USP8: variants seen among roughly 807,000 people sequenced by gnomAD.
USP8 encodes ubiquitin specific peptidase 8.
In USP8, 27 loss-of-function variants were observed where a neutral mutation model predicts 130.0. The ratio of observed to expected loss-of-function variants is 0.21; its 90% CI spans 0.15 to 0.29. The LOEUF is 0.29. Among genes scored for constraint, USP8 ranks in the 10% least tolerant of loss-of-function variants. The pLI, the probability that USP8 is intolerant of heterozygous loss-of-function variation, is 1.00. For synonymous variants in USP8, 392 were observed against 444.1 expected (o/e 0.88, Z 1.48); for missense variants, 1,029 against 1,312.2 (o/e 0.78, Z 3.33).
Position 50,502,966 on chromosome 15 carries a change from G to T in USP8, c.*3878G>T, listed in dbSNP as rs902355543. The T allele has an allele frequency of 2.0e-5, 3 of 152,182 alleles. No homozygotes were observed. The highest frequency in any genetic ancestry group is 2.9e-5 in the Non-Finnish European group (2 of 68,042). 9.4% of individuals were successfully genotyped at this position (152,182 alleles called of 1,614,324 possible). On this transcript the variant is annotated 3_prime_UTR_variant, in exon 20 of 20. Transcript: ENST00000307179. ...TCATGTATTGAGGGCTAGTACACAG[G>T]AGTTATTTATTCAATATTCCCTTCA...
intron 1 of USP8, 40 bp from the exon 2 acceptor site, chr15:50,438,969 G>A: frequency 1.2e-6 from 1 of 831,926 alleles, no homozygotes; most frequent in Non-Finnish European, 1.9e-6. Flanking sequence ...GTTTTATTGT[G>A]AATGAGGAAA....
chr15:50,431,085 C>G (rs567740801), intron 1 of USP8, among the ~76,000 whole-genome samples: 1 of 151,596 alleles, frequency 6.6e-6, no homozygotes, highest in Non-Finnish European at 1.5e-5. Flanking sequence ...GTAAACTGAT[C>G]AGTTTTAAAC....
rs74906220 is a variant in USP8 at position 50,445,858 on chromosome 15, A to G, written c.250-3542A>G. On this transcript the variant is annotated intron_variant, in intron 3 of 19. Transcript: ENST00000307179. ...GGCAACAGAGCAAGACTCCGTCTCA[A>G]AAAAAAAAAAAAAAATTGAGATTTA... 1.4e-4 allele frequency among the ~76,000 whole-genome samples: 14 copies of G among 98,212 alleles called. 1 individual carries two copies. The East Asian group carries it at 6.9e-3, about 48-fold the overall frequency. 64.4% of individuals were successfully genotyped at this position (98,212 alleles called of 152,430 possible).
chr15:50,471,902 C>CTTT lies in USP8; in HGVS notation c.849+121_849+123dup, dbSNP rs57729947. ...TTAAATACTAAAAGATTCATCATGCCTTTTTTTTTTTTTTTTGAGACTGAG... is the reference window on the plus strand; with the variant it reads ...TTAAATACTAAAAGATTCATCATGCCTTTTTTTTTTTTTTTTTTTGAGACTGAG... On this transcript the variant is annotated intron_variant, in intron 8 of 19. Coordinates refer to ENST00000307179, the MANE Select transcript of USP8 (RefSeq NM_005154.5). 8.2e-4 allele frequency: 725 copies of CTTT among 881,836 alleles called. 1 individual carries two copies. Among genetic ancestry groups the CTTT allele is most frequent in the African/African-American group, 2.1e-3 (111 of 53,190 alleles). 54.6% of individuals were successfully genotyped at this position (881,836 alleles called of 1,614,324 possible). A position where few individuals can be genotyped will look rare whatever the true frequency, so the allele number is the denominator to read the frequency against.
chr15:50,477,055 C>A, intron 9 of USP8, 62 bp downstream of exon 9: 1 of 1,572,928 alleles, frequency 6.4e-7, no homozygotes, highest in South Asian at 1.2e-5. Flanking sequence ...AAATTGTTTT[C>A]CCGGTAACAT....
chr15:50,485,360 G>C (rs954455188), intron 12 of USP8, among the ~76,000 whole-genome samples: 1 of 151,000 alleles, frequency 6.6e-6, no homozygotes, highest in African/African-American at 2.4e-5. Context: ...TGAGGCAGGA[G>C]AATGGCATGA....
chr15:50,484,605 A>C (rs2051888459), intron 12 of USP8, among the ~76,000 whole-genome samples: 1 of 152,238 alleles, frequency 6.6e-6, no homozygotes, highest in Non-Finnish European at 1.5e-5. Context: ...TGAAAGTAAA[A>C]AATGTTTAGG....
intron 3 of USP8, among the ~76,000 whole-genome samples, chr15:50,448,654 G>T (rs1471436475): frequency 6.6e-6 from 1 of 151,302 alleles, no homozygotes; most frequent in East Asian, 1.9e-4. Flanking sequence ...TGAGTAGCTG[G>T]GATTACAGGC....
At chr15:50,472,464 GC>G (rs937646236) in intron 8 of USP8, among the ~76,000 whole-genome samples, 1 of 151,648 alleles carries the variant, frequency 6.6e-6, no homozygotes, top group African/African-American at 2.4e-5. Context: ...GGGCGCAGTG[GC>G]GGGGGCCTGT....
intron 1 of USP8, among the ~76,000 whole-genome samples, chr15:50,424,898 C>T (rs1322267966): frequency 1.3e-5 from 2 of 150,686 alleles, no homozygotes; most frequent in African/African-American, 4.9e-5. Flanking sequence ...TTCCCAGTTT[C>T]TCTTCTTCCC....
chr15:50,481,275 A>G (rs1224588866), intron 10 of USP8, among the ~76,000 whole-genome samples: 2 of 152,202 alleles, frequency 1.3e-5, no homozygotes, highest in African/African-American at 4.8e-5. Flanking sequence ...TTGAATCAAG[A>G]GGATGTAAGT....
At chr15:50,479,214 A>G (rs2051678639) in intron 10 of USP8, among the ~76,000 whole-genome samples, 1 of 152,228 alleles carries the variant, frequency 6.6e-6, no homozygotes, top group Admixed American at 6.5e-5. Context: ...CAAGGAGAAT[A>G]TTCTAGCTGA....
intron 4 of USP8, among the ~76,000 whole-genome samples, chr15:50,453,857 A>ATTTTT (rs1595924578): frequency 4.5e-5 from 3 of 67,264 alleles, no homozygotes; most frequent in Non-Finnish European, 6.4e-5. Flanking sequence ...CTCTGGGAAT[A>ATTTTT]TTCTTTTTTT....
chr15:50,437,901 G>A (rs960317041), intron 1 of USP8, among the ~76,000 whole-genome samples: 4 of 152,194 alleles, frequency 2.6e-5, no homozygotes, highest in Non-Finnish European at 4.4e-5. Context: ...TTAGATCGTT[G>A]TTTCTAAATG....
chr15:50,480,461 G>A (rs1444179451), intron 10 of USP8, among the ~76,000 whole-genome samples: 1 of 152,056 alleles, frequency 6.6e-6, no homozygotes, highest in East Asian at 1.9e-4. Flanking sequence ...TCAGAATTCC[G>A]GTAGAGAAGA....
Position 50,503,485 on chromosome 15 carries a change from A to T in USP8, c.*4397A>T, listed in dbSNP as rs1371203400. 1.3e-5 allele frequency: 2 copies of T among 152,274 alleles called. No individual in the cohort carries two copies. Among genetic ancestry groups the T allele is most frequent in the Non-Finnish European group, 2.9e-5 (2 of 68,064 alleles). The allele number at this position is 152,274 out of a possible 1,614,324, so 9.4% of individuals were successfully genotyped here. A position where few individuals can be genotyped will look rare whatever the true frequency, so the allele number is the denominator to read the frequency against. ...AAGTCTTAGGCCCCCCTACAAGGTG[A>T]GAAGTTGGATTGAGATCCACATACA... On this transcript the variant is annotated 3_prime_UTR_variant, in exon 20 of 20. Coordinates refer to ENST00000307179, the MANE Select transcript of USP8 (RefSeq NM_005154.5).
In USP8 at chr15:50,451,137, A is replaced by G. The variant is rs548913229; in HGVS notation, c.335+1652A>G. ...TTTAAAAATATTCTGACCAGGAGCA[A>G]TGGCTCAGTCCTGTAATGCCTGCAC... On this transcript the variant is annotated intron_variant, in intron 4 of 19. Transcript: ENST00000307179. 3.9e-5 allele frequency among the ~76,000 whole-genome samples: 6 copies of G among 152,168 alleles called. No individual in the cohort carries two copies. In the South Asian group the frequency reaches 6.2e-4, roughly 16 times the overall value.
At chr15:50,487,207 A>G (rs1412443786) in intron 12 of USP8, among the ~76,000 whole-genome samples, 3 of 152,188 alleles carry the variant, frequency 2.0e-5, no homozygotes, top group African/African-American at 7.2e-5. Context: ...ACAGAAAAAA[A>G]CACGTTTTAT....
intron 7 of USP8, among the ~76,000 whole-genome samples, chr15:50,468,925 G>A (rs62019085): frequency 0.14 from 21,402 of 151,756 alleles, 1,994 homozygotes; most frequent in Middle Eastern, 0.28. Flanking sequence ...CCCTGAACCC[G>A]ATATACCCCC....
Sources: gnomAD v4.1 joint callset for allele counts (sites outside exome capture counted in the v4.1 genomes callset) on GRCh38, gnomAD v4.1.1 for gene constraint, MANE v1.5 for transcripts, NCBI Gene and HGNC (gene_info 2026-07-23, HGNC 2026-07-21) for gene names.